ITGBL1: variants seen among roughly 807,000 people sequenced by gnomAD.
ITGBL1 encodes the protein integrin beta-like protein 1.
ITGBL1 carries 51 observed loss-of-function variants against 68.5 expected under a neutral mutation model. The ratio of observed to expected loss-of-function variants is 0.74; its 90% CI spans 0.59 to 0.94. ITGBL1 has a LOEUF of 0.94. Ranked by LOEUF, ITGBL1 falls within the 40% of genes least tolerant of loss-of-function variation. The pLI, the probability that ITGBL1 is intolerant of heterozygous loss-of-function variation, is 0.00. For synonymous variants in ITGBL1, 209 were observed against 227.3 expected, an observed-to-expected ratio of 0.92 and a Z score of 0.72; for missense variants, 649 against 647.4, an observed-to-expected ratio of 1.00 and a Z score of -0.03.
chr13:101,680,196 GT>G (rs2139524897), intron 7 of ITGBL1, among the ~76,000 whole-genome samples: 1 of 152,178 alleles, frequency 6.6e-6, no homozygotes, highest in East Asian at 1.9e-4. Flanking sequence ...GAATATTATA[GT>G]TCTCAAGTGT....
chr13:101,591,728 T>A (rs2050658212), intron 6 of ITGBL1, among the ~76,000 whole-genome samples: 1 of 152,220 alleles, frequency 6.6e-6, no homozygotes, highest in African/African-American at 2.4e-5. Context: ...AAAGACAGCA[T>A]GCATTTTCAT....
chr13:101,477,303 A>G (rs1227236217), intron 2 of ITGBL1, among the ~76,000 whole-genome samples: 1 of 152,026 alleles, frequency 6.6e-6, no homozygotes, highest in African/African-American at 2.4e-5. Flanking sequence ...AAATGGAAAG[A>G]CTACATACCC....
intron 7 of ITGBL1, among the ~76,000 whole-genome samples, chr13:101,689,310 C>G (rs2033831310): frequency 6.6e-6 from 1 of 150,568 alleles, no homozygotes; most frequent in African/African-American, 2.4e-5. Flanking sequence ...GCCAATGTCA[C>G]AGATTTGGTG....
chr13:101,601,252 G>A (rs1318018420), intron 7 of ITGBL1, among the ~76,000 whole-genome samples: 2 of 152,154 alleles, frequency 1.3e-5, no homozygotes, highest in Non-Finnish European at 2.9e-5. Context: ...TCTGATGGTA[G>A]TTTGTATTTC....
intron 2 of ITGBL1, among the ~76,000 whole-genome samples, chr13:101,563,461 C>T (rs780439202): frequency 5.9e-5 from 9 of 151,748 alleles, no homozygotes; most frequent in Non-Finnish European, 1.2e-4. Flanking sequence ...CATGAAATAA[C>T]ATACATAATA....
At chr13:101,479,809 A>G (rs1291644142) in intron 2 of ITGBL1, among the ~76,000 whole-genome samples, 2 of 152,020 alleles carry the variant, frequency 1.3e-5, no homozygotes. Context: ...AGGCAGTAAC[A>G]TTCCCACCAA....
intron 3 of ITGBL1, among the ~76,000 whole-genome samples, chr13:101,570,385 C>T (rs1486793591): frequency 6.6e-6 from 1 of 152,060 alleles, no homozygotes; most frequent in Non-Finnish European, 1.5e-5. Flanking sequence ...GGACCTGCTT[C>T]ACTGCACCTT....
chr13:101,544,883 G>A (rs533038151), intron 2 of ITGBL1, among the ~76,000 whole-genome samples: 11 of 152,298 alleles, frequency 7.2e-5, no homozygotes, highest in South Asian at 6.2e-4. Context: ...CTGGTGTGCC[G>A]TTTGCTAAGA....
intron 2 of ITGBL1, among the ~76,000 whole-genome samples, chr13:101,470,130 A>T (rs1281776871): frequency 6.6e-6 from 1 of 152,148 alleles, no homozygotes; most frequent in Non-Finnish European, 1.5e-5. Context: ...GTTACTGTAG[A>T]TTTGATAAGA....
intron 8 of ITGBL1, among the ~76,000 whole-genome samples, chr13:101,699,588 G>A (rs145896415): frequency 7.2e-5 from 11 of 152,224 alleles, no homozygotes; most frequent in Admixed American, 2.0e-4. Context: ...ATCATGTGAC[G>A]AAGGACATAT....
At chr13:101,638,768 A>G (rs1207939998) in intron 7 of ITGBL1, among the ~76,000 whole-genome samples, 2 of 152,206 alleles carry the variant, frequency 1.3e-5, no homozygotes, top group African/African-American at 4.8e-5. Context: ...TATGGGAGCT[A>G]CAATTCAAGA....
At chr13:101,550,562 C>T (rs986409073) in intron 2 of ITGBL1, among the ~76,000 whole-genome samples, 9 of 152,158 alleles carry the variant, frequency 5.9e-5, no homozygotes, top group African/African-American at 9.7e-5. Flanking sequence ...TGCCAGAATC[C>T]GTGAAACTGT....
At chr13:101,521,088 T>C (rs1355517167) in intron 2 of ITGBL1, among the ~76,000 whole-genome samples, 2 of 152,182 alleles carry the variant, frequency 1.3e-5, no homozygotes, top group Non-Finnish European at 2.9e-5. Context: ...TGGAAAAATA[T>C]GTAGTACATT....
downstream of ITGBL1, chr13:101,719,396 T>C (rs981810327): frequency 6.6e-6 from 1 of 151,954 alleles, no homozygotes; most frequent in African/African-American, 2.4e-5. Flanking sequence ...AAGCCACTGC[T>C]ACCCAAAAAC....
At chr13:101,561,202 A>G (rs1473684409) in intron 2 of ITGBL1, among the ~76,000 whole-genome samples, 1 of 152,130 alleles carries the variant, frequency 6.6e-6, no homozygotes, top group Non-Finnish European at 1.5e-5. Flanking sequence ...AGAATTTGAG[A>G]GAGCCCAAAC....
At position 101,583,856 on chromosome 13, in the gene ITGBL1, G is replaced by A. The variant is rs536233196; in HGVS notation, c.868+500G>A. On this transcript the variant is annotated intron_variant, in intron 6 of 10. Transcript: ENST00000376180. ...CCCAAAGTTGGCAAAGACTAGAGATGAGAGGGCACCCACTCTTTTAAAGTT... is the reference window on the plus strand; with the variant it reads ...CCCAAAGTTGGCAAAGACTAGAGATAAGAGGGCACCCACTCTTTTAAAGTT... Among the ~76,000 whole-genome samples the A allele has an allele frequency of 9.2e-3, 1,403 of 152,242 alleles. 25 individuals are homozygous for A. Among genetic ancestry groups the A allele is most frequent in the Middle Eastern group, 0.034 (10 of 294 alleles).
chr13:101,598,019 C>A, intron 6 of ITGBL1, 134 bp from the exon 7 acceptor site: 2 of 707,636 alleles, frequency 2.8e-6, no homozygotes, highest in South Asian at 2.6e-5. Flanking sequence ...GAAAAATGTG[C>A]GTTTGCCTTA....
At chr13:101,516,348 G>A (rs1332193228) in intron 2 of ITGBL1, among the ~76,000 whole-genome samples, 2 of 152,044 alleles carry the variant, frequency 1.3e-5, no homozygotes, top group Non-Finnish European at 2.9e-5. Flanking sequence ...ATGAAATGCG[G>A]TTATAAAACT....
chr13:101,456,908 G>A (rs777738415), intron 2 of ITGBL1, among the ~76,000 whole-genome samples: 6 of 151,812 alleles, frequency 4.0e-5, no homozygotes, highest in Non-Finnish European at 4.4e-5. Flanking sequence ...AGAATGAGAC[G>A]CTGTCTCAAA....
Sources: allele counts gnomAD v4.1 joint callset (sites outside exome capture counted in the v4.1 genomes callset), GRCh38; gene constraint gnomAD v4.1.1; transcripts MANE v1.5; gene names NCBI Gene and HGNC (gene_info 2026-07-23, HGNC 2026-07-21).